The following YWHAZ variants were observed in gnomAD, a reference collection of about 807,000 sequenced individuals.
YWHAZ encodes the protein 14-3-3 protein zeta/delta.
For missense variants in YWHAZ, 79 were observed against 284.8 expected, an observed-to-expected ratio of 0.28 and a Z score of 5.20; for synonymous variants, 87 against 103.6, an observed-to-expected ratio of 0.84 and a Z score of 0.97.
chr8:100,945,673 A>C (rs765304548), intron 2 of YWHAZ, among the ~76,000 whole-genome samples: 1 of 152,136 alleles, frequency 6.6e-6, no homozygotes, highest in Non-Finnish European at 1.5e-5. Context: ...GCTACATTTT[A>C]TTCTTCCATC....
intron 2 of YWHAZ, among the ~76,000 whole-genome samples, chr8:100,936,720 G>A (rs1245550289): frequency 6.6e-6 from 1 of 152,154 alleles, no homozygotes; most frequent in Non-Finnish European, 1.5e-5. Flanking sequence ...TGAATCGCTT[G>A]AACCTGGGAG....
rs916001787 is a variant in YWHAZ, at chr8:100,950,662, G to C, written c.-12+1267C>G. The C allele has an allele frequency of 3.3e-4, 296 of 908,308 alleles. 9 individuals carry two copies. In the South Asian group the frequency reaches 4.4e-3, roughly 13 times the overall value. 56.3% of individuals were successfully genotyped at this position (908,308 alleles called of 1,614,324 possible). A position where few individuals can be genotyped will look rare whatever the true frequency, so the allele number is the denominator to read the frequency against. ...CCGCGCCCCCGCCCAAGCCGTGGGG[G>C]GGGGGGAGAGATGGGGAGCGAAGCC... On this transcript the variant is annotated intron_variant, in intron 1 of 5. Coordinates refer to ENST00000395958, the MANE Select transcript of YWHAZ (RefSeq NM_145690.3).
At chr8:100,943,859 C>G (rs1236471746) in intron 2 of YWHAZ, among the ~76,000 whole-genome samples, 1 of 151,960 alleles carries the variant, frequency 6.6e-6, no homozygotes, top group East Asian at 1.9e-4. Context: ...TGGTGGCGGG[C>G]ACCTGTAGTC....
intron 2 of YWHAZ, among the ~76,000 whole-genome samples, chr8:100,940,008 G>A (rs1479987461): frequency 3.4e-5 from 5 of 147,992 alleles, no homozygotes; most frequent in Non-Finnish European, 3.0e-5. Context: ...GGGGGACAGA[G>A]CGAGACTCCG....
chr8:100,929,356 T>C (rs1813600905), intron 2 of YWHAZ, among the ~76,000 whole-genome samples: 1 of 152,126 alleles, frequency 6.6e-6, no homozygotes, highest in Non-Finnish European at 1.5e-5. Context: ...TGTGCCACCA[T>C]ACCCAGCTAA....
chr8:100,928,992 C>T (rs1441657228), intron 2 of YWHAZ, among the ~76,000 whole-genome samples: 1 of 152,064 alleles, frequency 6.6e-6, no homozygotes, highest in Non-Finnish European at 1.5e-5. Flanking sequence ...TCCCTCTTTT[C>T]ACATAAAGGT....
At chr8:100,950,624 A>C (rs1368965424) in intron 1 of YWHAZ, 1 of 971,058 alleles carries the variant, frequency 1.0e-6, no homozygotes, top group African/African-American at 1.8e-5. Context: ...CCGGAGCCAG[A>C]GGGAGGAGCA....
chr8:100,931,402 T>C (rs1406387872), intron 2 of YWHAZ, among the ~76,000 whole-genome samples: 10 of 152,196 alleles, frequency 6.6e-5, no homozygotes. Context: ...CTATCTCTAG[T>C]GATATGCCTT....
In YWHAZ at chr8:100,917,087, CA is replaced by C. The variant is rs1339695813; in HGVS notation, c.*3605del. 6.9e-6 allele frequency: 1 copy of C among 145,014 alleles called. No individual in the cohort carries two copies. The highest frequency in any genetic ancestry group is 2.9e-5 in the African/African-American group (1 of 34,774). 9.0% of individuals were successfully genotyped at this position (145,014 alleles called of 1,614,324 possible). On this transcript the variant is annotated 3_prime_UTR_variant, in exon 6 of 6. Coordinates refer to ENST00000395958, the MANE Select transcript of YWHAZ (RefSeq NM_145690.3). ...TCATTGAGCATAGAGCACCAGTTTT[CA>C]AAGTCAAAGTTTCACTCTCCATTTG...
At position 100,934,157 on chromosome 8, in the gene YWHAZ, C is replaced by CAAAA. The variant is rs35069019; in HGVS notation, c.295-9122_295-9119dup. ...CTGGGCAACAAAGCTAGACTCGTCT[C>CAAAA]AAAAAAAAAAAAAAAAAAAAAAAAA... On this transcript the variant is annotated intron_variant, in intron 2 of 5. Coordinates refer to ENST00000395958, the MANE Select transcript of YWHAZ (RefSeq NM_145690.3). Among the ~76,000 whole-genome samples, 317 of 78,180 alleles carry CAAAA rather than the reference C, an allele frequency of 4.1e-3. 72 individuals carry two copies. Among genetic ancestry groups the CAAAA allele is most frequent in the African/African-American group, 0.012 (255 of 20,456 alleles). The allele number at this position is 78,180 out of a possible 152,430, so 51.3% of individuals were successfully genotyped here.
chr8:100,950,670 G>T lies in YWHAZ; in HGVS notation c.-12+1259C>A, dbSNP rs1404310509. The T allele has an allele frequency of 2.2e-6, 2 of 889,210 alleles. 1 individual carries two copies. Among genetic ancestry groups the T allele is most frequent in the Non-Finnish European group, 2.7e-6 (2 of 749,754 alleles). The allele number at this position is 889,210 out of a possible 1,614,324, so 55.1% of individuals were successfully genotyped here. A position where few individuals can be genotyped will look rare whatever the true frequency, so the allele number is the denominator to read the frequency against. On this transcript the variant is annotated intron_variant, in intron 1 of 5. Transcript: ENST00000395958. ...CCGCCCAAGCCGTGGGGGGGGGGGA[G>T]AGATGGGGAGCGAAGCCGCCCGACC... is the stretch of plus-strand genomic sequence containing the variant.
At chr8:100,929,023 G>A (rs1324489705) in intron 2 of YWHAZ, among the ~76,000 whole-genome samples, 2 of 152,076 alleles carry the variant, frequency 1.3e-5, no homozygotes, top group African/African-American at 4.8e-5. Flanking sequence ...ACTAAAGAGG[G>A]TAACTTAGGT....
At chr8:100,930,173 A>G (rs909225986) in intron 2 of YWHAZ, among the ~76,000 whole-genome samples, 5 of 152,210 alleles carry the variant, frequency 3.3e-5, no homozygotes, top group Non-Finnish European at 5.9e-5. Context: ...ATCTTGGCTC[A>G]CTGCAACCTC....
upstream of YWHAZ, chr8:100,952,157 G>C (rs924679218): frequency 7.1e-6 from 7 of 985,234 alleles, no homozygotes; most frequent in African/African-American, 1.0e-4. Context: ...GGTGCCCACA[G>C]CGATCGGGGC....
intron 2 of YWHAZ, among the ~76,000 whole-genome samples, chr8:100,945,805 A>G (rs922666018): frequency 6.6e-6 from 1 of 152,140 alleles, no homozygotes; most frequent in Non-Finnish European, 1.5e-5. Context: ...CCAAGCAGAA[A>G]AAGAAAAAGC....
At position 100,919,273 on chromosome 8, in the gene YWHAZ, A is replaced by G. The variant is rs1454159312; in HGVS notation, c.*1420T>C. 1.3e-5 allele frequency: 2 copies of G among 152,702 alleles called. No individual in the cohort carries two copies. The highest frequency in any genetic ancestry group is 1.5e-5 in the Non-Finnish European group (1 of 68,052). The allele number at this position is 152,702 out of a possible 1,614,324, so 9.5% of individuals were successfully genotyped here. ...AAAGGATCAAAATTGAAGGCAGGCTATAAGAGTATCAAGAAATTCTTAAAA... is the reference window on the plus strand; with the variant it reads ...AAAGGATCAAAATTGAAGGCAGGCTGTAAGAGTATCAAGAAATTCTTAAAA... On this transcript the variant is annotated 3_prime_UTR_variant, in exon 6 of 6. Coordinates refer to ENST00000395958, the MANE Select transcript of YWHAZ (RefSeq NM_145690.3).
rs73697339 is a variant in YWHAZ, at chr8:100,931,285, T to C, written c.295-6246A>G. On this transcript the variant is annotated intron_variant, in intron 2 of 5. Transcript: ENST00000395958. ...AAATTGACAGGTCATCTGTTTCTGATCCCTTCTTGGCATAGACTCAACCTG... is the reference window on the plus strand; with the variant it reads ...AAATTGACAGGTCATCTGTTTCTGACCCCTTCTTGGCATAGACTCAACCTG... Among the ~76,000 whole-genome samples the C allele has an allele frequency of 9.7e-4, 148 of 152,340 alleles. 1 individual carries two copies. The highest frequency in any genetic ancestry group is 3.5e-3 in the African/African-American group (144 of 41,584).
At chr8:100,928,970 T>C (rs1813568716) in intron 2 of YWHAZ, among the ~76,000 whole-genome samples, 1 of 152,186 alleles carries the variant, frequency 6.6e-6, no homozygotes, top group Admixed American at 6.5e-5. Flanking sequence ...TACTGGAACC[T>C]GCTCAGTGAA....
At chr8:100,939,760 G>A (rs1814486564) in intron 2 of YWHAZ, among the ~76,000 whole-genome samples, 1 of 151,934 alleles carries the variant, frequency 6.6e-6, no homozygotes, top group Non-Finnish European at 1.5e-5. Flanking sequence ...AGTGGCTCAT[G>A]CCTGTAATCT....
Sources: allele counts gnomAD v4.1 joint callset (sites outside exome capture counted in the v4.1 genomes callset), GRCh38; gene constraint gnomAD v4.1.1; transcripts MANE v1.5; gene names NCBI Gene and HGNC (gene_info 2026-07-23, HGNC 2026-07-21).